Variants in GRM1 observed in about 807,000 individuals in gnomAD.
GRM1 encodes metabotropic glutamate receptor 1.
GRM1 carries 33 observed loss-of-function variants against 90.9 expected under a neutral mutation model. The observed-to-expected ratio is 0.36, with a 90% CI of 0.28 to 0.49. The LOEUF is 0.49. Ranked by LOEUF, GRM1 falls within the 20% of genes least tolerant of loss-of-function variation. The probability of loss-of-function intolerance (pLI) is 0.99; values close to 1 mark genes in which losing one functional copy is unlikely to be tolerated. For missense variants in GRM1, 1,190 were observed against 1,534.3 expected, an observed-to-expected ratio of 0.78 and a Z score of 3.75; for synonymous variants, 700 against 613.2, an observed-to-expected ratio of 1.14 and a Z score of -2.09.
intron 6 of GRM1, 147 bp downstream of exon 6, chr6:146,387,163 A>G (rs1227722204): frequency 1.2e-6 from 1 of 801,872 alleles, no homozygotes; most frequent in East Asian, 2.4e-5. Context: ...GAGTATACAT[A>G]AACCTCATAA....
At chr6:146,063,264 A>G (rs1775733326) in intron 1 of GRM1, among the ~76,000 whole-genome samples, 2 of 152,238 alleles carry the variant, frequency 1.3e-5, no homozygotes, top group South Asian at 2.1e-4. Flanking sequence ...TTAGAATTCA[A>G]GTTAACGGGA....
At chr6:146,316,506 C>A (rs775394893) in intron 3 of GRM1, among the ~76,000 whole-genome samples, 3 of 152,204 alleles carry the variant, frequency 2.0e-5, no homozygotes, top group Non-Finnish European at 4.4e-5. Context: ...ACGGCATCAG[C>A]CTCTCTAAGT....
chr6:146,029,413 T>A lies in GRM1; in HGVS notation c.-105T>A. On this transcript the variant is annotated 5_prime_UTR_variant, in exon 1 of 8. Transcript: ENST00000282753. ...GACCATTGTTGGCGAGGGGCACCACTCCGGGAGAGGCGGCGCTGGGCGTCT... is the reference window on the plus strand; with the variant it reads ...GACCATTGTTGGCGAGGGGCACCACACCGGGAGAGGCGGCGCTGGGCGTCT... 1.1e-6 allele frequency: 1 copy of A among 904,016 alleles called. No homozygotes were observed. Among genetic ancestry groups the A allele is most frequent in the Non-Finnish European group, 1.9e-6 (1 of 537,666 alleles). The allele number at this position is 904,016 out of a possible 1,614,324, so 56.0% of individuals were successfully genotyped here.
chr6:146,127,474 T>C (rs1451434861), intron 1 of GRM1, among the ~76,000 whole-genome samples: 1 of 152,196 alleles, frequency 6.6e-6, no homozygotes, highest in Admixed American at 6.5e-5. Context: ...ATGCAGGTGA[T>C]ATTGTTCATG....
intron 1 of GRM1, among the ~76,000 whole-genome samples, chr6:146,037,941 A>T (rs936541005): frequency 2.6e-5 from 4 of 151,966 alleles, no homozygotes; most frequent in Admixed American, 2.0e-4. Flanking sequence ...TTCTCAGCTG[A>T]TCTGGTTTCC....
chr6:146,415,242 G>C (rs763922465), intron 7 of GRM1, among the ~76,000 whole-genome samples: 11 of 151,970 alleles, frequency 7.2e-5, no homozygotes, highest in Non-Finnish European at 1.5e-4. Context: ...AACTCCCTGG[G>C]GTCTCTTTCA....
intron 1 of GRM1, among the ~76,000 whole-genome samples, chr6:146,111,411 A>G (rs939225728): frequency 2.0e-5 from 3 of 152,240 alleles, no homozygotes; most frequent in Admixed American, 6.5e-5. Flanking sequence ...CAAGACACAC[A>G]AAGACTGTGA....
chr6:146,051,329 T>C (rs562560728), intron 1 of GRM1, among the ~76,000 whole-genome samples: 1 of 152,216 alleles, frequency 6.6e-6, no homozygotes, highest in South Asian at 2.1e-4. Flanking sequence ...TTGTGTATCC[T>C]ACAGTGGTTA....
intron 5 of GRM1, among the ~76,000 whole-genome samples, chr6:146,386,660 T>C (rs1583423918): frequency 2.6e-5 from 4 of 152,166 alleles, no homozygotes; most frequent in South Asian, 4.1e-4. Flanking sequence ...TAAAATGAAT[T>C]ATTATTGAAA....
At chr6:146,136,517 G>C (rs1776627188) in intron 1 of GRM1, among the ~76,000 whole-genome samples, 1 of 152,176 alleles carries the variant, frequency 6.6e-6, no homozygotes, top group African/African-American at 2.4e-5. Context: ...GAATTTATCT[G>C]ATAACCAGTG....
intron 1 of GRM1, among the ~76,000 whole-genome samples, chr6:146,042,020 G>A (rs1021554593): frequency 2.0e-5 from 3 of 151,980 alleles, no homozygotes; most frequent in Non-Finnish European, 2.9e-5. Context: ...TGTCTTCATG[G>A]TGGAAGGAAC....
intron 2 of GRM1, among the ~76,000 whole-genome samples, chr6:146,168,170 T>C (rs1270438937): frequency 1.3e-5 from 2 of 152,074 alleles, no homozygotes; most frequent in African/African-American, 4.8e-5. Flanking sequence ...AATAATGTAA[T>C]ATATGTGTGT....
At chr6:146,261,720 C>T (rs1486891466) in intron 2 of GRM1, among the ~76,000 whole-genome samples, 4 of 151,742 alleles carry the variant, frequency 2.6e-5, no homozygotes, top group East Asian at 3.9e-4. Flanking sequence ...AATTAAAAAC[C>T]AGTATTGAGA....
intron 1 of GRM1, among the ~76,000 whole-genome samples, chr6:146,044,822 T>G (rs1167492851): frequency 6.6e-6 from 1 of 152,026 alleles, no homozygotes; most frequent in Non-Finnish European, 1.5e-5. Flanking sequence ...ATTAATTTTT[T>G]GAAGTGCTTA....
At position 146,029,605 on chromosome 6, in the gene GRM1, G is replaced by T. The variant is rs1790638309; in HGVS notation, c.88G>T (p.Ala30Ser). The T allele has an allele frequency of 6.2e-7, 1 of 1,614,080 alleles. No individual in the cohort carries two copies. The highest frequency in any genetic ancestry group is 8.5e-7 in the Non-Finnish European group (1 of 1,179,972). Residue 30 changes from alanine to serine, a missense_variant, in exon 1 of 8, where the codon GCA becomes TCA. Physicochemically the swap from Ala to Ser is moderately conservative, Grantham distance 99 (BLOSUM62 1). Around this residue, in one of 10 missense-constraint regions of GRM1, gnomAD observed 44 missense variants for 35.8 expected, o/e 1.23. Transcript: ENST00000282753. ...PRSPGRKVLL[A>S]GASSQRSVAR... ...AAGCCCCGGCAGGAAAGTGTTGCTG[G>T]CAGGAGCGTCGTCTCAGCGCTCGGT...
chr6:146,205,307 T>G (rs1779458203), intron 2 of GRM1, among the ~76,000 whole-genome samples: 1 of 152,216 alleles, frequency 6.6e-6, no homozygotes, highest in African/African-American at 2.4e-5. Context: ...AAATTTATTT[T>G]AAAAGATAAT....
chr6:146,287,227 G>A (rs1295448054), intron 2 of GRM1, among the ~76,000 whole-genome samples: 2 of 152,108 alleles, frequency 1.3e-5, no homozygotes, highest in Non-Finnish European at 2.9e-5. Context: ...ATTTTGGCTT[G>A]GAGTTGTGAT....
intron 1 of GRM1, among the ~76,000 whole-genome samples, chr6:146,061,685 A>G (rs1775674614): frequency 6.6e-6 from 1 of 151,964 alleles, no homozygotes; most frequent in Non-Finnish European, 1.5e-5. Flanking sequence ...TCAAAAAAAG[A>G]CATTTATGCA....
chr6:146,103,203 T>C lies in GRM1; in HGVS notation c.701-56145T>C, dbSNP rs575669683. Among the ~76,000 whole-genome samples the C allele has an allele frequency of 6.6e-4, 101 of 152,340 alleles. No homozygotes were observed. The South Asian group carries it at 7.5e-3, about 11-fold the overall frequency. ...AATGATATAAGTATATTTGACGGCA[T>C]TGGAAATCCTAACCAGCATTATATA... On this transcript the variant is annotated intron_variant, in intron 1 of 7. Transcript: ENST00000282753.
Sources: gnomAD v4.1 joint callset for allele counts (sites outside exome capture counted in the v4.1 genomes callset) on GRCh38, gnomAD v4.1.1 for gene constraint, gnomAD v4.1.1 regional missense constraint, MANE v1.5 for transcripts, NCBI Gene and HGNC (gene_info 2026-07-23, HGNC 2026-07-21) for gene names.